SGCZ: variants seen among roughly 807,000 people sequenced by gnomAD.
The protein encoded by SGCZ is sarcoglycan zeta, also known as zeta-sarcoglycan.
Under a neutral mutation model 41.3 loss-of-function variants are expected in SGCZ, and 40 were observed. The ratio of observed to expected loss-of-function variants is 0.97; its 90% CI spans 0.75 to 1.26. The LOEUF is 1.26. Among genes scored for constraint, SGCZ ranks in the 50% most tolerant of loss-of-function variants. The pLI is 0.00. For synonymous variants in SGCZ, 206 were observed against 137.5 expected, an observed-to-expected ratio of 1.50 and a Z score of -3.49; for missense variants, 552 against 369.8, an observed-to-expected ratio of 1.49 and a Z score of -4.04.
At chr8:14,893,289 C>G (rs1376877636) in intron 1 of SGCZ, among the ~76,000 whole-genome samples, 1 of 151,962 alleles carries the variant, frequency 6.6e-6, no homozygotes, top group African/African-American at 2.4e-5. Context: ...CTCTTAGAAG[C>G]CAGAAAAGTG....
At chr8:14,651,918 C>A (rs1410619101) in intron 1 of SGCZ, among the ~76,000 whole-genome samples, 5 of 151,680 alleles carry the variant, frequency 3.3e-5, no homozygotes, top group Admixed American at 2.0e-4. Flanking sequence ...AAAAGTATAT[C>A]TTTGTGCTAA....
intron 5 of SGCZ, among the ~76,000 whole-genome samples, chr8:14,142,163 G>C (rs58935582): frequency 0.18 from 27,623 of 152,008 alleles, 3,287 homozygotes; most frequent in East Asian, 0.62. Flanking sequence ...ACCAGGGCCT[G>C]TCGAGGGGTG....
At chr8:14,510,221 T>G (rs1467639959) in intron 2 of SGCZ, among the ~76,000 whole-genome samples, 1 of 152,170 alleles carries the variant, frequency 6.6e-6, no homozygotes, top group Non-Finnish European at 1.5e-5. Flanking sequence ...TTATTTAAAA[T>G]TGTTCTTTTA....
intron 1 of SGCZ, among the ~76,000 whole-genome samples, chr8:14,906,080 G>C (rs1003613956): frequency 7.2e-5 from 11 of 152,062 alleles, no homozygotes; most frequent in African/African-American, 2.4e-4. Flanking sequence ...GCCATTCACT[G>C]AGATCGACAA....
intron 1 of SGCZ, among the ~76,000 whole-genome samples, chr8:15,231,195 T>C (rs1235841389): frequency 2.0e-5 from 3 of 152,198 alleles, no homozygotes; most frequent in African/African-American, 7.2e-5. Context: ...CTGATGGACA[T>C]TGCCATGATA....
intron 1 of SGCZ, among the ~76,000 whole-genome samples, chr8:15,001,874 T>C (rs1802436533): frequency 1.3e-5 from 2 of 152,158 alleles, no homozygotes; most frequent in African/African-American, 4.8e-5. Context: ...GAAAAGCTTG[T>C]TCCCAGCTGC....
chr8:14,766,558 A>AAT (rs1800041260), intron 1 of SGCZ, among the ~76,000 whole-genome samples: 1 of 151,674 alleles, frequency 6.6e-6, no homozygotes, highest in Non-Finnish European at 1.5e-5. Context: ...TACTTTTAAA[A>AAT]ATATATATAT....
At chr8:15,035,980 A>C (rs1188945118) in intron 1 of SGCZ, among the ~76,000 whole-genome samples, 1 of 152,034 alleles carries the variant, frequency 6.6e-6, no homozygotes, top group Non-Finnish European at 1.5e-5. Flanking sequence ...AGATAGTATA[A>C]GACAACATTA....
intron 1 of SGCZ, among the ~76,000 whole-genome samples, chr8:14,556,792 G>T (rs1804047233): frequency 6.6e-6 from 1 of 152,178 alleles, no homozygotes; most frequent in South Asian, 2.1e-4. Flanking sequence ...TTTTATGGCT[G>T]AGTAGTATTC....
At chr8:14,639,952 GT>G (rs1806968471) in intron 1 of SGCZ, among the ~76,000 whole-genome samples, 1 of 151,600 alleles carries the variant, frequency 6.6e-6, no homozygotes, top group Non-Finnish European at 1.5e-5. Flanking sequence ...ACAGACAGTA[GT>G]TACTTAGAGC....
chr8:14,651,896 T>C (rs1033886481), intron 1 of SGCZ, among the ~76,000 whole-genome samples: 2 of 152,014 alleles, frequency 1.3e-5, no homozygotes, highest in East Asian at 3.9e-4. Context: ...CAGCATATTG[T>C]TCTGGGGGAA....
At chr8:14,170,068 T>TAA (rs1326405853) in intron 4 of SGCZ, among the ~76,000 whole-genome samples, 3 of 151,898 alleles carry the variant, frequency 2.0e-5, no homozygotes, top group Non-Finnish European at 4.4e-5. Flanking sequence ...TTTTTTTTTT[T>TAA]TTTACTTTTC....
intron 1 of SGCZ, among the ~76,000 whole-genome samples, chr8:14,838,989 C>T (rs559923264): frequency 6.6e-6 from 1 of 152,164 alleles, no homozygotes; most frequent in South Asian, 2.1e-4. Context: ...AGGTGATCTC[C>T]TCAGTATGAA....
At chr8:14,497,125 G>T (rs559729053) in intron 2 of SGCZ, among the ~76,000 whole-genome samples, 3 of 152,138 alleles carry the variant, frequency 2.0e-5, no homozygotes, top group Non-Finnish European at 4.4e-5. Context: ...TCTGTCAGGG[G>T]TTGTGTTAGT....
Position 14,791,277 on chromosome 8 carries a change from G to T in SGCZ, c.40-236351C>A, listed in dbSNP as rs190027935. 1.9e-3 allele frequency among the ~76,000 whole-genome samples: 282 copies of T among 151,770 alleles called. 1 individual carries two copies. The highest frequency in any genetic ancestry group is 3.1e-3 in the Non-Finnish European group (209 of 67,944). ...TTGCCAGAGACTGCTTTTCTTTCAA[G>T]AGTGTGAGATCGAATTTATTCTGAC... is the stretch of plus-strand genomic sequence containing the variant. On this transcript the variant is annotated intron_variant, in intron 1 of 7. Coordinates refer to ENST00000382080, the MANE Select transcript of SGCZ (RefSeq NM_139167.4).
At chr8:14,431,076 G>T (rs1240716845) in intron 2 of SGCZ, among the ~76,000 whole-genome samples, 1 of 152,170 alleles carries the variant, frequency 6.6e-6, no homozygotes, top group Admixed American at 6.5e-5. Context: ...CATGCTCATG[G>T]ATGAGTAGAA....
At chr8:14,183,204 C>G (rs1440521239) in intron 4 of SGCZ, among the ~76,000 whole-genome samples, 1 of 151,634 alleles carries the variant, frequency 6.6e-6, no homozygotes, top group East Asian at 1.9e-4. Context: ...CAAAATATTG[C>G]CAAATTGACT....
chr8:14,772,635 G>A (rs2130399334), intron 1 of SGCZ, among the ~76,000 whole-genome samples: 1 of 135,376 alleles, frequency 7.4e-6, no homozygotes, highest in African/African-American at 2.8e-5. Context: ...GGGTCCATGT[G>A]TTCTCACTGT....
At chr8:14,449,895 C>A (rs973295117) in intron 2 of SGCZ, among the ~76,000 whole-genome samples, 2 of 151,990 alleles carry the variant, frequency 1.3e-5, no homozygotes, top group African/African-American at 4.8e-5. Flanking sequence ...CCATCGTAAA[C>A]AAAGTAAGAG....
Sources: allele counts gnomAD v4.1 joint callset (sites outside exome capture counted in the v4.1 genomes callset), GRCh38; gene constraint gnomAD v4.1.1; transcripts MANE v1.5; gene names NCBI Gene and HGNC (gene_info 2026-07-23, HGNC 2026-07-21).